The following PEBP1 variants were observed in gnomAD, a reference collection of about 807,000 sequenced individuals.
PEBP1 encodes the protein phosphatidylethanolamine-binding protein 1.
PEBP1 carries 17 observed loss-of-function variants against 22.7 expected under a neutral mutation model. The ratio of observed to expected loss-of-function variants is 0.75; its 90% CI spans 0.51 to 1.12. The LOEUF is 1.12. Among genes scored for constraint, PEBP1 ranks in the 50% most tolerant of loss-of-function variants. PEBP1 has a pLI of 0.00. For synonymous variants in PEBP1, 106 were observed against 104.3 expected (o/e 1.02, Z -0.10); for missense variants, 205 against 243.5 (o/e 0.84, Z 1.05).
intron 3 of PEBP1, among the ~76,000 whole-genome samples, chr12:118,141,696 T>C (rs1012366092): frequency 3.3e-5 from 5 of 152,170 alleles, no homozygotes; most frequent in Non-Finnish European, 7.4e-5. Context: ...ATTGTGCCAT[T>C]GCGCTCTAGC....
chr12:118,143,075 C>T (rs866573867), intron 3 of PEBP1, among the ~76,000 whole-genome samples: 25 of 152,106 alleles, frequency 1.6e-4, no homozygotes, highest in African/African-American at 5.3e-4. Flanking sequence ...TCTCAAATTC[C>T]TCCTGGGCTC....
chr12:118,140,055 C>T (rs564048174), intron 3 of PEBP1, among the ~76,000 whole-genome samples: 4 of 115,456 alleles, frequency 3.5e-5, no homozygotes, highest in Admixed American at 1.7e-4. Flanking sequence ...ATATTGAAGG[C>T]GCACACACAC....
chr12:118,139,748 G>GA (rs1301581731), intron 3 of PEBP1, among the ~76,000 whole-genome samples, 197 bp downstream of exon 3: 2 of 152,172 alleles, frequency 1.3e-5, no homozygotes, highest in Non-Finnish European at 2.9e-5. Context: ...GTTCTGGACA[G>GA]ACGGACCCTT....
chr12:118,141,382 T>G (rs2034112856), intron 3 of PEBP1, among the ~76,000 whole-genome samples: 1 of 152,214 alleles, frequency 6.6e-6, no homozygotes. Flanking sequence ...CCCAAAGTGC[T>G]GGGATTACAG....
In PEBP1 at chr12:118,136,489, G is replaced by A; in HGVS notation, c.135+145G>A. On this transcript the variant is annotated intron_variant, in intron 1 of 3. Transcript: ENST00000261313. This position sits in a 1 kb window ranked among gnomAD's most constrained non-coding sequence, Gnocchi z 5.6. ...GAGGCCCCCCCAGGCCAGAGGTCCC[G>A]GGGTCCATGTCCCATGCCTGGGGGC... The A allele has an allele frequency of 6.8e-6, 7 of 1,029,762 alleles. No individual in the cohort carries two copies. The South Asian group carries it at 1.0e-4, about 15-fold the overall frequency. The allele number at this position is 1,029,762 out of a possible 1,614,324, so 63.8% of individuals were successfully genotyped here.
chr12:118,137,648 C>T (rs1024788586), intron 1 of PEBP1, among the ~76,000 whole-genome samples: 2 of 152,122 alleles, frequency 1.3e-5, no homozygotes, highest in Non-Finnish European at 2.9e-5. Context: ...TCTGTTTTGT[C>T]TTTGGAGAGT....
Position 118,138,025 on chromosome 12 carries a change from G to T in PEBP1, c.136-14G>T. The T allele has an allele frequency of 2.5e-6, 4 of 1,586,236 alleles. No homozygotes were observed. The highest frequency in any genetic ancestry group is 3.5e-6 in the Non-Finnish European group (4 of 1,156,138). ...TTTCTGACTTTTTTACTGCAAACTG[G>T]TTCCTTCATACAGGTTAAGAATAGA... On this transcript the variant is annotated splice_polypyrimidine_tract_variant and intron_variant, in intron 1 of 3. Coordinates refer to ENST00000261313, the MANE Select transcript of PEBP1 (RefSeq NM_002567.4).
rs2034083198 is a variant in PEBP1, at chr12:118,138,149, G to C, written c.245+1G>C. 1 of 1,588,996 alleles carries C rather than the reference G, an allele frequency of 6.3e-7. No individual in the cohort carries two copies. The highest frequency in any genetic ancestry group is 1.1e-5 in the South Asian group (1 of 90,238). ...CCAGCAGGAAGGATCCCAAATACAG[G>C]TGAGAGGTGAGAAAGACGAGAAGAG... is the stretch of plus-strand genomic sequence containing the variant. On this transcript the variant is annotated splice_donor_variant, in intron 2 of 3. Transcript: ENST00000261313. LOFTEE classifies it high-confidence loss of function.
chr12:118,140,643 A>C (rs1255156534), intron 3 of PEBP1, among the ~76,000 whole-genome samples: 1 of 151,438 alleles, frequency 6.6e-6, no homozygotes, highest in Non-Finnish European at 1.5e-5. Context: ...GGTTCATGCC[A>C]TTCTCCTGCC....
chr12:118,139,398 G>A (rs548567699), intron 2 of PEBP1, 53 bp from the exon 3 acceptor site: 2 of 1,261,700 alleles, frequency 1.6e-6, no homozygotes, highest in Admixed American at 1.7e-5. Context: ...TGACTGTGCA[G>A]TGAATGTTCC....
In PEBP1 at chr12:118,144,572, G is replaced by T; in HGVS notation, c.347-14G>T. The T allele has an allele frequency of 6.2e-7, 1 of 1,606,796 alleles. No individual in the cohort carries two copies. Among genetic ancestry groups the T allele is most frequent in the South Asian group, 1.1e-5 (1 of 89,910 alleles). ...TGGGCTGTGTGTACATCTTCCCTCT[G>T]CCTCTCCCCACAGGCCTCCACCGCT... On this transcript the variant is annotated splice_polypyrimidine_tract_variant and intron_variant, in intron 3 of 3. Coordinates refer to ENST00000261313, the MANE Select transcript of PEBP1 (RefSeq NM_002567.4).
intron 2 of PEBP1, among the ~76,000 whole-genome samples, chr12:118,138,454 A>C (rs1484659476): frequency 6.6e-6 from 1 of 151,988 alleles, no homozygotes; most frequent in Non-Finnish European, 1.5e-5. Flanking sequence ...GCTGGAGTGC[A>C]GTGGCATGAT....
intron 2 of PEBP1, 63 bp downstream of exon 2, chr12:118,138,211 CT>C (rs2034083787): frequency 9.1e-7 from 1 of 1,099,814 alleles, no homozygotes; most frequent in Admixed American, 1.9e-5. Context: ...GTGTAAGTCC[CT>C]TGCTGGACAC....
At chr12:118,137,423 G>A (rs1429210048) in intron 1 of PEBP1, among the ~76,000 whole-genome samples, 1 of 152,112 alleles carries the variant, frequency 6.6e-6, no homozygotes, top group Non-Finnish European at 1.5e-5. Flanking sequence ...GATGGTGTGA[G>A]CATGTAGTTC....
chr12:118,138,216 T>C, intron 2 of PEBP1, 68 bp downstream of exon 2: 1 of 1,065,748 alleles, frequency 9.4e-7, no homozygotes, highest in South Asian at 1.3e-5. Flanking sequence ...AGTCCCTTGC[T>C]GGACACAGAG....
At chr12:118,144,562 T>A in intron 3 of PEBP1, 24 bp from the exon 4 acceptor site, 8 of 1,598,836 alleles carry the variant, frequency 5.0e-6, no homozygotes, top group Non-Finnish European at 6.0e-6. Flanking sequence ...TGTGTGTACA[T>A]CTTCCCTCTG....
In PEBP1 at chr12:118,139,383, G is replaced by A. The variant is rs371893915; in HGVS notation, c.246-68G>A. The A allele has an allele frequency of 1.1e-4, 115 of 1,036,410 alleles. 2 individuals carry two copies. The South Asian group carries it at 1.4e-3, about 12-fold the overall frequency. The allele number at this position is 1,036,410 out of a possible 1,614,324, so 64.2% of individuals were successfully genotyped here. Reference sequence around the variant, plus strand: ...GCAGCCAGCATGTTCTTGATGCCCAGTTGCTGACTGTGCAGTGAATGTTCC... The same window carrying A: ...GCAGCCAGCATGTTCTTGATGCCCAATTGCTGACTGTGCAGTGAATGTTCC... On this transcript the variant is annotated intron_variant, in intron 2 of 3. Coordinates refer to ENST00000261313, the MANE Select transcript of PEBP1 (RefSeq NM_002567.4).
chr12:118,141,666 G>GGAGGTTGCAGTGAGCT (rs2034115513), intron 3 of PEBP1, among the ~76,000 whole-genome samples: 1 of 152,180 alleles, frequency 6.6e-6, no homozygotes, highest in Non-Finnish European at 1.5e-5. Context: ...CCCGGGAGGT[G>GGAGGTTGCAGTGAGCT]GAGGTTGCAG....
At chr12:118,137,549 G>T (rs2034076178) in intron 1 of PEBP1, among the ~76,000 whole-genome samples, 1 of 152,014 alleles carries the variant, frequency 6.6e-6, no homozygotes, top group African/African-American at 2.4e-5. Context: ...AAGGAGACCT[G>T]GTCTCAAATA....
Sources: gnomAD v4.1 joint callset for allele counts (sites outside exome capture counted in the v4.1 genomes callset) on GRCh38, gnomAD v4.1.1 for gene constraint, Gnocchi (gnomAD v3.1) non-coding constraint, MANE v1.5 for transcripts, NCBI Gene and HGNC (gene_info 2026-07-23, HGNC 2026-07-21) for gene names.